The following CSMD2 variants were observed in gnomAD, a reference collection of about 807,000 sequenced individuals.
CSMD2 encodes CUB and Sushi multiple domains 2.
A neutral mutation model predicts 398.5 loss-of-function variants in CSMD2; 130 were observed. The ratio of observed to expected loss-of-function variants is 0.33; its 90% confidence interval spans 0.28 to 0.38. The LOEUF (loss-of-function observed/expected upper bound fraction) is 0.38, where lower values mean the gene tolerates loss of function less well. Ranked by LOEUF, CSMD2 falls within the 10% of genes least tolerant of loss-of-function variation. The pLI is 1.00. For missense variants in CSMD2, 3,829 were observed against 4,764.9 expected (o/e 0.80, Z 5.78); for synonymous variants, 1,828 against 1,908.5 (o/e 0.96, Z 1.10).
intron 65 of CSMD2, among the ~76,000 whole-genome samples, chr1:33,526,100 C>T (rs1654749814): frequency 6.6e-6 from 1 of 152,088 alleles, no homozygotes; most frequent in Non-Finnish European, 1.5e-5. Context: ...AATAACATCA[C>T]ATTGTACTCT....
chr1:34,058,306 T>G (rs765007092), intron 2 of CSMD2, among the ~76,000 whole-genome samples: 1 of 152,144 alleles, frequency 6.6e-6, no homozygotes, highest in Non-Finnish European at 1.5e-5. Flanking sequence ...CTACCCCAGA[T>G]GATCTTTGTG....
rs1325640731 is a variant in CSMD2 at position 33,743,581 on chromosome 1, G to T, written c.1872C>A (p.Ser624Arg). 2.5e-6 allele frequency: 4 copies of T among 1,603,578 alleles called. No homozygotes were observed. In the African/African-American group the frequency reaches 4.0e-5, roughly 16 times the overall value. Residue 624 changes from serine to arginine, a missense_variant, in exon 14 of 71, where the codon AGC (serine) becomes AGA (arginine). Ser to Arg is a moderately radical substitution (Grantham distance 110). Coordinates refer to ENST00000373381, the MANE Select transcript of CSMD2 (RefSeq NM_001281956.2). ...CVFSCFFNFTSPSGVVLSPNY... is the reference protein window; with the variant it reads ...CVFSCFFNFTRPSGVVLSPNY... ...TGGGAGACAGGACAACCCCAGACGGGCTGGTGAAGTTGAAGAAGCAGGAGA... is the reference window on the plus strand; with the variant it reads ...TGGGAGACAGGACAACCCCAGACGGTCTGGTGAAGTTGAAGAAGCAGGAGA...
At chr1:34,122,780 T>A (rs1177750579) in intron 1 of CSMD2, among the ~76,000 whole-genome samples, 4 of 152,180 alleles carry the variant, frequency 2.6e-5, no homozygotes, top group African/African-American at 7.2e-5. Flanking sequence ...ATCCTGAAAG[T>A]TCTTTGAGAG....
chr1:33,926,847 G>C (rs968202567), intron 4 of CSMD2, among the ~76,000 whole-genome samples: 12 of 152,130 alleles, frequency 7.9e-5, no homozygotes, highest in Non-Finnish European at 1.8e-4. Context: ...CATAATTTTA[G>C]AGAACTCTCC....
chr1:33,527,325 T>C (rs1270420371), intron 64 of CSMD2, 67 bp from the exon 65 acceptor site: 1 of 1,340,072 alleles, frequency 7.5e-7, no homozygotes, highest in East Asian at 2.3e-5. Context: ...GGAAAAATAA[T>C]GACCACCTGT....
intron 2 of CSMD2, among the ~76,000 whole-genome samples, chr1:34,051,358 C>T (rs1023948346): frequency 1.3e-5 from 2 of 152,144 alleles, no homozygotes; most frequent in Admixed American, 6.5e-5. Context: ...GCTGTGACCA[C>T]ATAGCCAGTT....
intron 15 of CSMD2, among the ~76,000 whole-genome samples, chr1:33,732,863 A>G (rs1434718993): frequency 6.6e-6 from 1 of 152,224 alleles, no homozygotes; most frequent in Non-Finnish European, 1.5e-5. Flanking sequence ...TCTGACCTTC[A>G]TGTATGCTTT....
chr1:33,859,295 C>T (rs1296509934), intron 5 of CSMD2, among the ~76,000 whole-genome samples: 1 of 152,286 alleles, frequency 6.6e-6, no homozygotes, highest in East Asian at 1.9e-4. Flanking sequence ...CCTTTTCCAG[C>T]TGCTAGTAGC....
At chr1:34,056,880 G>A (rs1348851933) in intron 2 of CSMD2, among the ~76,000 whole-genome samples, 1 of 152,208 alleles carries the variant, frequency 6.6e-6, no homozygotes, top group Non-Finnish European at 1.5e-5. Flanking sequence ...CATATAAGGT[G>A]CCACTGGGAG....
chr1:34,107,583 A>G (rs1008352285), intron 1 of CSMD2, among the ~76,000 whole-genome samples: 1 of 152,184 alleles, frequency 6.6e-6, no homozygotes, highest in Non-Finnish European at 1.5e-5. Context: ...ATCTGGTGCC[A>G]CATCCTGTCT....
At chr1:33,858,104 C>G (rs1024972008) in intron 5 of CSMD2, among the ~76,000 whole-genome samples, 1 of 152,300 alleles carries the variant, frequency 6.6e-6, no homozygotes, top group East Asian at 1.9e-4. Context: ...GCTGACACTT[C>G]GCCTGGCTTT....
intron 5 of CSMD2, among the ~76,000 whole-genome samples, chr1:33,894,358 T>C (rs1642241026): frequency 6.6e-6 from 1 of 152,216 alleles, no homozygotes; most frequent in African/African-American, 2.4e-5. Flanking sequence ...TCTGCATCCC[T>C]GTGCTCGAAG....
intron 6 of CSMD2, among the ~76,000 whole-genome samples, chr1:33,831,095 C>T (rs2125034811): frequency 6.6e-6 from 1 of 152,206 alleles, no homozygotes. Context: ...CTGCAGGATA[C>T]TATCCAGGAG....
intron 55 of CSMD2, among the ~76,000 whole-genome samples, chr1:33,554,903 TGTTTCCATG>T (rs1230863650): frequency 6.6e-6 from 1 of 152,228 alleles, no homozygotes; most frequent in African/African-American, 2.4e-5. Flanking sequence ...AATTGAATGT[TGTTTCCATG>T]TCTGCTAACA....
At chr1:33,769,386 G>C (rs956783114) in intron 13 of CSMD2, among the ~76,000 whole-genome samples, 1 of 152,210 alleles carries the variant, frequency 6.6e-6, no homozygotes. Context: ...TGGATGGAAA[G>C]TGGTATTACT....
At chr1:33,620,374 T>C (rs1462499414) in intron 37 of CSMD2, among the ~76,000 whole-genome samples, 2 of 152,192 alleles carry the variant, frequency 1.3e-5, no homozygotes, top group Non-Finnish European at 1.5e-5. Flanking sequence ...CTCCTAGGAA[T>C]TCCAGTCTCC....
In CSMD2 at chr1:34,133,846, G is replaced by A. The variant is rs559295502; in HGVS notation, c.187+31065C>T. Among the ~76,000 whole-genome samples, 221 of 151,856 alleles carry A rather than the reference G, an allele frequency of 1.5e-3. 1 individual carries two copies. Among genetic ancestry groups the A allele is most frequent in the African/African-American group, 5.1e-3 (210 of 41,376 alleles). On this transcript the variant is annotated intron_variant, in intron 1 of 70. Coordinates refer to ENST00000373381, the MANE Select transcript of CSMD2 (RefSeq NM_001281956.2). Reference sequence around the variant, plus strand: ...AGCACTTTGGGAGGCCGAGGTGGGCGGATCACGAGGTCAGGAGATTGAGAC... The same window carrying A: ...AGCACTTTGGGAGGCCGAGGTGGGCAGATCACGAGGTCAGGAGATTGAGAC...
intron 3 of CSMD2, among the ~76,000 whole-genome samples, chr1:34,022,443 G>A (rs546822125): frequency 1.3e-5 from 2 of 152,204 alleles, no homozygotes; most frequent in African/African-American, 2.4e-5. Context: ...TGACTTCAGT[G>A]CTCTATTGAG....
chr1:33,616,785 G>T (rs2148857184), intron 39 of CSMD2, 121 bp downstream of exon 39: 1 of 732,056 alleles, frequency 1.4e-6, no homozygotes, highest in Non-Finnish European at 2.4e-6. Context: ...GACTGACTTG[G>T]AACAAATCCA....
Sources: allele counts gnomAD v4.1 joint callset (sites outside exome capture counted in the v4.1 genomes callset), GRCh38; gene constraint gnomAD v4.1.1; transcripts MANE v1.5; gene names NCBI Gene and HGNC (gene_info 2026-07-23, HGNC 2026-07-21).